The following KCNN2 variants were observed in gnomAD, a reference collection of about 807,000 sequenced individuals.
The protein encoded by KCNN2 is small conductance calcium-activated potassium channel protein 2.
A neutral mutation model predicts 55.5 loss-of-function variants in KCNN2; 24 were observed. That is an observed-to-expected ratio of 0.43 (90% confidence interval 0.31 to 0.61). KCNN2 has a LOEUF of 0.61. Among genes scored for constraint, KCNN2 ranks in the 20% least tolerant of loss-of-function variants. The probability of loss-of-function intolerance (pLI) is 0.08; values close to 1 mark genes in which losing one functional copy is unlikely to be tolerated. For synonymous variants in KCNN2, 431 were observed against 336.1 expected, an observed-to-expected ratio of 1.28 and a Z score of -3.09; for missense variants, 754 against 853.6, an observed-to-expected ratio of 0.88 and a Z score of 1.45.
intron 2 of KCNN2, among the ~76,000 whole-genome samples, chr5:114,349,382 CT>C (rs1432810181): frequency 6.6e-6 from 1 of 151,986 alleles, no homozygotes; most frequent in Non-Finnish European, 1.5e-5. Context: ...CACCTGATAC[CT>C]TTGTTTTCTG....
chr5:114,100,605 T>C (rs1246569374), intron 1 of KCNN2, among the ~76,000 whole-genome samples: 1 of 152,074 alleles, frequency 6.6e-6, no homozygotes, highest in African/African-American at 2.4e-5. Flanking sequence ...TGAGTGTGTG[T>C]ATGTATGTGC....
chr5:114,323,326 C>G (rs1756648643), intron 2 of KCNN2, among the ~76,000 whole-genome samples: 1 of 152,164 alleles, frequency 6.6e-6, no homozygotes, highest in Non-Finnish European at 1.5e-5. Flanking sequence ...CTTGATGTCT[C>G]TGTGCCAGTG....
At chr5:114,162,774 G>T (rs532168808) in intron 1 of KCNN2, among the ~76,000 whole-genome samples, 1 of 152,244 alleles carries the variant, frequency 6.6e-6, no homozygotes, top group African/African-American at 2.4e-5. Context: ...AATGAGTGAG[G>T]CTCTTTGGGC....
At chr5:114,185,446 A>G (rs1378274016) in intron 1 of KCNN2, among the ~76,000 whole-genome samples, 1 of 152,234 alleles carries the variant, frequency 6.6e-6, no homozygotes. Context: ...GAGCCTCAGG[A>G]AGTTCATGAC....
intron 2 of KCNN2, among the ~76,000 whole-genome samples, chr5:114,301,332 C>A (rs1756155237): frequency 6.6e-6 from 1 of 152,180 alleles, no homozygotes; most frequent in African/African-American, 2.4e-5. Flanking sequence ...TTAATTAAAA[C>A]CTGATAGCTA....
intron 1 of KCNN2, among the ~76,000 whole-genome samples, chr5:114,115,684 T>G (rs551207606): frequency 1.3e-5 from 2 of 151,644 alleles, no homozygotes; most frequent in African/African-American, 4.8e-5. Context: ...GTTGGCCCAC[T>G]GAGGGAAAAA....
At chr5:114,429,411 C>T (rs1011185276) in intron 3 of KCNN2, among the ~76,000 whole-genome samples, 5 of 151,996 alleles carry the variant, frequency 3.3e-5, no homozygotes, top group African/African-American at 4.8e-5. Context: ...GATGATGTGG[C>T]GCATCTTTTC....
chr5:114,483,021 G>T (rs1762294097), intron 5 of KCNN2, among the ~76,000 whole-genome samples: 1 of 151,374 alleles, frequency 6.6e-6, no homozygotes, highest in South Asian at 2.1e-4. Context: ...TCCTGCAAAT[G>T]TACCCCAGAA....
intron 2 of KCNN2, among the ~76,000 whole-genome samples, chr5:114,292,527 C>T (rs1755916445): frequency 6.6e-6 from 1 of 152,110 alleles, no homozygotes; most frequent in African/African-American, 2.4e-5. Context: ...TTTCTGAGGG[C>T]TCTGTTCTGT....
chr5:114,402,342 G>GTT (rs1437356765), intron 2 of KCNN2, among the ~76,000 whole-genome samples: 2 of 152,212 alleles, frequency 1.3e-5, no homozygotes, highest in Non-Finnish European at 2.9e-5. Context: ...CCTGGAAGTT[G>GTT]TTTGAGAATG....
intron 2 of KCNN2, among the ~76,000 whole-genome samples, chr5:114,335,841 GA>G (rs1756913702): frequency 6.6e-6 from 1 of 152,160 alleles, no homozygotes; most frequent in Admixed American, 6.5e-5. Flanking sequence ...AAGCAAGAAT[GA>G]AAAGAGCTTC....
chr5:114,422,072 C>T (rs1387277648), intron 3 of KCNN2, among the ~76,000 whole-genome samples: 3 of 152,198 alleles, frequency 2.0e-5, no homozygotes, highest in African/African-American at 7.2e-5. Context: ...CAAAACCATT[C>T]TGCTAATTAG....
chr5:114,070,303 T>G (rs1436830646), intron 1 of KCNN2, among the ~76,000 whole-genome samples: 1 of 152,250 alleles, frequency 6.6e-6, no homozygotes, highest in Non-Finnish European at 1.5e-5. Context: ...GCAGGACCCC[T>G]GCTGCTCCCC....
rs182298971 is a variant in KCNN2 at position 114,310,156 on chromosome 5, G to C, written c.-184-50789G>C. On this transcript the variant is annotated intron_variant, in intron 2 of 10. Transcript: ENST00000512097. ...CACCTTGTGAGATTCTTTTTCACCA[G>C]TGAAATCCTTCTTTCCACCTCTTGC... Among the ~76,000 whole-genome samples the C allele has an allele frequency of 2.4e-4, 37 of 152,234 alleles. No individual in the cohort carries two copies. In the East Asian group the frequency reaches 7.0e-3, roughly 29 times the overall value.
chr5:114,196,563 T>C (rs1195121616), intron 1 of KCNN2, among the ~76,000 whole-genome samples: 4 of 152,034 alleles, frequency 2.6e-5, no homozygotes, highest in Non-Finnish European at 4.4e-5. Flanking sequence ...TTTCTCTTTT[T>C]TCTTGAGTTA....
chr5:114,323,952 T>C (rs1383202062), intron 2 of KCNN2, among the ~76,000 whole-genome samples: 1 of 152,130 alleles, frequency 6.6e-6, no homozygotes, highest in Non-Finnish European at 1.5e-5. Flanking sequence ...TATTTTAATA[T>C]GTGAAACAGT....
chr5:114,393,248 A>G (rs1443394027), intron 2 of KCNN2, among the ~76,000 whole-genome samples: 1 of 152,178 alleles, frequency 6.6e-6, no homozygotes, highest in South Asian at 2.1e-4. Context: ...GTTTTATTGA[A>G]TATTTGGTTT....
chr5:114,442,781 G>A (rs1413316095), intron 3 of KCNN2, among the ~76,000 whole-genome samples: 7 of 152,252 alleles, frequency 4.6e-5, no homozygotes, highest in African/African-American at 1.7e-4. Context: ...ATACTGTGGT[G>A]TATAAAATTA....
intron 6 of KCNN2, chr5:114,489,058 T>C (rs529376387): frequency 6.6e-6 from 1 of 152,114 alleles, no homozygotes; most frequent in Non-Finnish European, 1.5e-5. Flanking sequence ...TACATGTGAT[T>C]TACCTTTAAT....
Sources: gnomAD v4.1 joint callset for allele counts (sites outside exome capture counted in the v4.1 genomes callset) on GRCh38, gnomAD v4.1.1 for gene constraint, MANE v1.5 for transcripts, NCBI Gene and HGNC (gene_info 2026-07-23, HGNC 2026-07-21) for gene names.